Variants in BHMT2 observed in about 807,000 individuals in gnomAD.
BHMT2 encodes S-methylmethionine--homocysteine S-methyltransferase BHMT2.
Under a neutral mutation model 39.0 loss-of-function variants are expected in BHMT2, and 28 were observed. The observed-to-expected ratio is 0.72, with a 90% CI of 0.53 to 0.98. The LOEUF (loss-of-function observed/expected upper bound fraction) is 0.98, where lower values mean the gene tolerates loss of function less well. BHMT2 is among the 50% of genes least tolerant of loss of function. BHMT2 has a pLI of 0.00. For missense variants in BHMT2, 410 were observed against 455.6 expected, an observed-to-expected ratio of 0.90 and a Z score of 0.91; for synonymous variants, 145 against 160.6, an observed-to-expected ratio of 0.90 and a Z score of 0.74.
intron 1 of BHMT2, chr5:79,071,238 A>C (rs1755563075): frequency 1.3e-5 from 2 of 152,230 alleles, no homozygotes; most frequent in Admixed American, 1.3e-4. Context: ...AATTCATTTA[A>C]TTGCCACAGA....
intron 7 of BHMT2, among the ~76,000 whole-genome samples, chr5:79,085,596 G>A (rs534722969): frequency 1.3e-5 from 2 of 152,274 alleles, no homozygotes; most frequent in South Asian, 2.1e-4. Flanking sequence ...CAGGAGAATC[G>A]CTTGAATTCA....
chr5:79,083,391 A>AG lies in BHMT2; in HGVS notation c.781+18dup. 1 of 1,561,700 alleles carries AG rather than the reference A, an allele frequency of 6.4e-7. No individual in the cohort carries two copies. Among genetic ancestry groups the AG allele is most frequent in the Non-Finnish European group, 8.6e-7 (1 of 1,158,694 alleles). On this transcript the variant is annotated intron_variant, in intron 6 of 7. Coordinates refer to ENST00000255192, the MANE Select transcript of BHMT2 (RefSeq NM_017614.5). ...ATCCCTTTGGTAAGCTCAGGTGCAT[A>AG]GTAGAGGTCCTTGTATTTCTCGTGA...
intron 6 of BHMT2, 39 bp downstream of exon 6, chr5:79,083,413 G>C (rs748314803): frequency 1.3e-6 from 2 of 1,542,166 alleles, no homozygotes; most frequent in South Asian, 1.3e-5. Flanking sequence ...TGTATTTCTC[G>C]TGACAAAATC....
At chr5:79,080,972 C>A in intron 4 of BHMT2, 94 bp downstream of exon 4, 2 of 1,198,100 alleles carry the variant, frequency 1.7e-6, no homozygotes, top group Non-Finnish European at 2.3e-6. Flanking sequence ...CAACATTCTG[C>A]CCTCATTTCT....
At chr5:79,083,091 G>A in intron 5 of BHMT2, 101 bp from the exon 6 acceptor site, 1 of 1,569,932 alleles carries the variant, frequency 6.4e-7, no homozygotes, top group Non-Finnish European at 8.7e-7. Flanking sequence ...TAAATTGTGG[G>A]AGGTGGAGGG....
intron 1 of BHMT2, among the ~76,000 whole-genome samples, chr5:79,073,001 T>C (rs1483579370): frequency 6.6e-6 from 1 of 151,252 alleles, no homozygotes; most frequent in Non-Finnish European, 1.5e-5. Flanking sequence ...TCTCACTCTG[T>C]TGCCCAGGCT....
chr5:79,081,391 A>G (rs1413751138), intron 4 of BHMT2, among the ~76,000 whole-genome samples: 1 of 152,188 alleles, frequency 6.6e-6, no homozygotes, highest in Non-Finnish European at 1.5e-5. Flanking sequence ...AAGCTATGAC[A>G]TGTGAATTAC....
intron 1 of BHMT2, chr5:79,071,032 C>T (rs991387604): frequency 1.3e-5 from 2 of 152,146 alleles, no homozygotes; most frequent in African/African-American, 2.4e-5. Context: ...TTCTCTAATG[C>T]TATGTTCATC....
intron 2 of BHMT2, among the ~76,000 whole-genome samples, chr5:79,078,362 T>G (rs536561126): frequency 6.6e-6 from 1 of 152,346 alleles, no homozygotes; most frequent in African/African-American, 2.4e-5. Flanking sequence ...AACTCTTTTT[T>G]TGTGTGTTTG....
At chr5:79,086,539 C>T (rs749342735) in intron 7 of BHMT2, among the ~76,000 whole-genome samples, 9 of 152,128 alleles carry the variant, frequency 5.9e-5, no homozygotes, top group South Asian at 4.1e-4. Context: ...TTTAGAAAAA[C>T]GTTCACTGCA....
Position 79,083,841 on chromosome 5 carries a change from C to G in BHMT2, c.995C>G (p.Pro332Arg). ...AGTGGTTTGGACATGCACACCAAAC[C>G]CTGGATTAGAGCAAGGTAAGCATTT... ...WGSGLDMHTK[P>R]WIRARARREY... The change falls in exon 7 of 8, where the codon CCC (proline) becomes CGC (arginine). Residue 332 changes from proline to arginine, a missense_variant. By Grantham distance (103) the Pro-to-Arg change is moderately radical. Transcript: ENST00000255192. 6.2e-7 allele frequency: 1 copy of G among 1,613,678 alleles called. No homozygotes were observed.
Position 79,083,189 on chromosome 5 carries a change from C to T in BHMT2, c.599-3C>T, listed in dbSNP as rs1271658324. On this transcript the variant is annotated splice_polypyrimidine_tract_variant and splice_region_variant and intron_variant, in intron 5 of 7. Transcript: ENST00000255192. ...AAAATGTAAGTGTTATTTCTTTGCA[C>T]AGGGGCTTCCATCGTTGGCGTGAAC... is the stretch of plus-strand genomic sequence containing the variant. 1.9e-6 allele frequency: 3 copies of T among 1,613,914 alleles called. No individual in the cohort carries two copies. Among genetic ancestry groups the T allele is most frequent in the East Asian group, 2.2e-5 (1 of 44,878 alleles).
In BHMT2 at chr5:79,080,770, C is replaced by A. The variant is rs780067563; in HGVS notation, c.342C>A (p.Cys114Ter). ...ATGCTTTGGTAGCAGGGGGGATCTGCCAGACATCAATATACAAATACCAGA... is the reference window on the plus strand; with the variant it reads ...ATGCTTTGGTAGCAGGGGGGATCTGACAGACATCAATATACAAATACCAGA... ...KGDALVAGGI[C>*]QTSIYKYQKD... Residue 114 changes from cysteine (C) to a stop codon, truncating the protein, a stop_gained, in exon 4 of 8, where the codon TGC becomes TGA. Coordinates refer to ENST00000255192, the MANE Select transcript of BHMT2 (RefSeq NM_017614.5). LOFTEE classifies it high-confidence loss of function. 6.2e-6 allele frequency: 10 copies of A among 1,604,604 alleles called. No individual in the cohort carries two copies. Among genetic ancestry groups the A allele is most frequent in the Non-Finnish European group, 7.6e-6 (9 of 1,176,870 alleles).
In BHMT2 at chr5:79,082,871, C is replaced by T. The variant is rs763181010; in HGVS notation, c.513C>T (p.Pro171=). ...AVEVLKESDR[P]VAVTMCIGPE... ...AAGTCTTAAAAGAATCAGATAGACC[C>T]GTGGCAGTTACCATGTGCATAGGCC... is the stretch of plus-strand genomic sequence containing the variant. The change falls in exon 5 of 8, where the codon CCC becomes CCT. Residue 171 remains proline (P), a synonymous_variant. Transcript: ENST00000255192. 50 of 1,613,946 alleles carry T rather than the reference C, an allele frequency of 3.1e-5. No homozygotes were observed. Among genetic ancestry groups the T allele is most frequent in the African/African-American group, 5.3e-5 (4 of 74,894 alleles).
chr5:79,082,308 C>T (rs1393701981), intron 4 of BHMT2: 1 of 153,734 alleles, frequency 6.5e-6, no homozygotes, highest in African/African-American at 2.4e-5. Flanking sequence ...TCAATCTTCT[C>T]ACCCGGGGAA....
intron 7 of BHMT2, 127 bp from the exon 8 acceptor site, chr5:79,088,365 TG>T: frequency 1.9e-6 from 1 of 523,214 alleles, no homozygotes; most frequent in South Asian, 2.6e-5. Flanking sequence ...TGACTGTGTG[TG>T]TGTGTGTGTG....
At chr5:79,088,127 C>T (rs1448533353) in intron 7 of BHMT2, among the ~76,000 whole-genome samples, 1 of 152,196 alleles carries the variant, frequency 6.6e-6, no homozygotes, top group Non-Finnish European at 1.5e-5. Flanking sequence ...CTGCAGTGAG[C>T]CAAGATTGTG....
intron 1 of BHMT2, among the ~76,000 whole-genome samples, chr5:79,075,707 A>G (rs1430284264): frequency 6.6e-6 from 1 of 152,178 alleles, no homozygotes; most frequent in African/African-American, 2.4e-5. Context: ...ACACTTGACC[A>G]AAGACCAGAA....
rs1256888152 is a variant in BHMT2, at chr5:79,080,706, C to G, written c.278C>G (p.Ala93Gly). ...CCTCAGTGGGAAGATGTAAATGCTG[C>G]TGCCTGTGACCTCGCCAGGGAAGTG... is the stretch of plus-strand genomic sequence containing the variant. ...MESKWEDVNA[A>G]ACDLAREVAG... Residue 93 changes from alanine to glycine, a missense_variant, in exon 4 of 8, where the codon GCT (alanine) becomes GGT (glycine). Transcript: ENST00000255192. 6.3e-7 allele frequency: 1 copy of G among 1,594,086 alleles called. No individual in the cohort carries two copies. Among genetic ancestry groups the G allele is most frequent in the East Asian group, 2.3e-5 (1 of 43,930 alleles).
Sources: allele counts gnomAD v4.1 joint callset (sites outside exome capture counted in the v4.1 genomes callset), GRCh38; gene constraint gnomAD v4.1.1; transcripts MANE v1.5; gene names NCBI Gene and HGNC (gene_info 2026-07-23, HGNC 2026-07-21).